The following AUTS2 variants were observed in gnomAD, a reference collection of about 807,000 sequenced individuals.
The protein encoded by AUTS2 is activator of transcription and developmental regulator AUTS2.
AUTS2 carries 17 observed loss-of-function variants against 112.4 expected under a neutral mutation model. The ratio of observed to expected loss-of-function variants is 0.15; its 90% CI spans 0.10 to 0.23. The LOEUF is 0.23. Among genes scored for constraint, AUTS2 ranks in the 10% least tolerant of loss-of-function variants. The pLI is 1.00. For synonymous variants in AUTS2, 751 were observed against 702.7 expected, an observed-to-expected ratio of 1.07 and a Z score of -1.09; for missense variants, 1,510 against 1,701.6, an observed-to-expected ratio of 0.89 and a Z score of 1.98.
chr7:70,785,353 G>A (rs992081410), intron 16 of AUTS2: 4 of 553,768 alleles, frequency 7.2e-6, no homozygotes, highest in Admixed American at 4.4e-5. Context: ...AGAAGATGGT[G>A]AGCTCTTGCC....
At chr7:70,351,413 C>T (rs1791756857) in intron 4 of AUTS2, among the ~76,000 whole-genome samples, 1 of 152,194 alleles carries the variant, frequency 6.6e-6, no homozygotes, top group Non-Finnish European at 1.5e-5. Flanking sequence ...CACATTATCA[C>T]ATTTTCTTTA....
intron 4 of AUTS2, among the ~76,000 whole-genome samples, chr7:70,239,625 G>T (rs1332723858): frequency 6.6e-6 from 1 of 152,084 alleles, no homozygotes; most frequent in African/African-American, 2.4e-5. Flanking sequence ...AGTAGAGACA[G>T]GGTTTCCCCA....
intron 4 of AUTS2, among the ~76,000 whole-genome samples, chr7:70,327,749 A>C (rs1007761165): frequency 1.3e-5 from 2 of 152,128 alleles, no homozygotes; most frequent in African/African-American, 4.8e-5. Context: ...TCTATTCCTC[A>C]TCCCCTCCTT....
intron 4 of AUTS2, among the ~76,000 whole-genome samples, chr7:70,296,622 T>C (rs1788949399): frequency 6.6e-6 from 1 of 152,182 alleles, no homozygotes; most frequent in Non-Finnish European, 1.5e-5. Context: ...GTAAAAACTT[T>C]TTATTTAACT....
intron 5 of AUTS2, among the ~76,000 whole-genome samples, chr7:70,680,780 TG>T: frequency 6.6e-6 from 1 of 152,330 alleles, no homozygotes; most frequent in Middle Eastern, 3.4e-3. Flanking sequence ...AGCCAACAAC[TG>T]TATTTTTACC....
In AUTS2 at chr7:70,774,010, G is replaced by C; in HGVS notation, c.1831-18G>C. The C allele has an allele frequency of 6.2e-7, 1 of 1,613,100 alleles. No homozygotes were observed. Among genetic ancestry groups the C allele is most frequent in the Non-Finnish European group, 8.5e-7 (1 of 1,179,100 alleles). ...GTTTTGTGCTTCCTAAGTAAGCTGT[G>C]GTCTAATTAATTTGTAGACATCCAA... On this transcript the variant is annotated intron_variant, in intron 11 of 18. Coordinates refer to ENST00000342771, the MANE Select transcript of AUTS2 (RefSeq NM_015570.4).
At chr7:70,088,011 A>T (rs1354683331) in intron 2 of AUTS2, among the ~76,000 whole-genome samples, 1 of 145,266 alleles carries the variant, frequency 6.9e-6, no homozygotes, top group Non-Finnish European at 1.5e-5. Context: ...AACCTTTCTT[A>T]TTCTTGATAG....
chr7:70,211,850 A>G (rs890362244), intron 4 of AUTS2, among the ~76,000 whole-genome samples: 9 of 139,596 alleles, frequency 6.4e-5, no homozygotes, highest in East Asian at 4.5e-4. Flanking sequence ...GCGGGGCGTG[A>G]TGGCGGGCGT....
At chr7:70,712,665 C>T (rs1810124270) in intron 6 of AUTS2, among the ~76,000 whole-genome samples, 1 of 152,058 alleles carries the variant, frequency 6.6e-6, no homozygotes, top group South Asian at 2.1e-4. Flanking sequence ...GACTGTGGTC[C>T]AGAAAAAACG....
At chr7:70,701,817 T>G (rs1809477861) in intron 6 of AUTS2, among the ~76,000 whole-genome samples, 1 of 152,226 alleles carries the variant, frequency 6.6e-6, no homozygotes, top group African/African-American at 2.4e-5. Context: ...AGGATGTTCA[T>G]GTGAATTTTA....
intron 5 of AUTS2, among the ~76,000 whole-genome samples, chr7:70,547,315 C>T (rs1266759888): frequency 6.6e-6 from 1 of 152,140 alleles, no homozygotes; most frequent in Non-Finnish European, 1.5e-5. Context: ...AGTGCAGTGG[C>T]GCAATCTCGG....
intron 4 of AUTS2, among the ~76,000 whole-genome samples, chr7:70,242,462 T>C: frequency 6.6e-6 from 1 of 152,196 alleles, no homozygotes. Context: ...TGTATTCTAC[T>C]TTTGGGTGTT....
chr7:70,006,829 T>C lies in AUTS2; in HGVS notation c.522+107331T>C, dbSNP rs566713394. ...TGGGAAATGCTGTGCACAAGCCCCA[T>C]CTCTGTGGATGCTTCGATTTAGCTT... On this transcript the variant is annotated intron_variant, in intron 2 of 18. Transcript: ENST00000342771. Among the ~76,000 whole-genome samples, 4 of 152,286 alleles carry C rather than the reference T, an allele frequency of 2.6e-5. No homozygotes were observed. In the South Asian group the frequency reaches 8.3e-4, roughly 32 times the overall value.
At chr7:70,214,706 T>C (rs2129589540) in intron 4 of AUTS2, among the ~76,000 whole-genome samples, 1 of 152,320 alleles carries the variant, frequency 6.6e-6, no homozygotes, top group South Asian at 2.1e-4. Context: ...TTCTCAGACA[T>C]GCTCTGTGGA....
chr7:70,764,193 G>A (rs950844978), intron 7 of AUTS2, among the ~76,000 whole-genome samples: 5 of 152,154 alleles, frequency 3.3e-5, no homozygotes, highest in African/African-American at 1.2e-4. Flanking sequence ...TTGGGGGGCA[G>A]GTTTCCTCCT....
chr7:69,901,348 G>A (rs905726217), intron 2 of AUTS2, among the ~76,000 whole-genome samples: 6 of 151,778 alleles, frequency 4.0e-5, no homozygotes, highest in African/African-American at 7.3e-5. Flanking sequence ...ACCAAGCTGC[G>A]GATCCTCATC....
chr7:70,485,183 A>G (rs1430062081), intron 5 of AUTS2, among the ~76,000 whole-genome samples: 1 of 152,190 alleles, frequency 6.6e-6, no homozygotes, highest in Non-Finnish European at 1.5e-5. Flanking sequence ...GCGCACACAT[A>G]TGTTTACAGT....
At position 69,848,803 on chromosome 7, in the gene AUTS2, CT is replaced by C. The variant is rs1168464522; in HGVS notation, c.310-50482del. 7.2e-5 allele frequency among the ~76,000 whole-genome samples: 11 copies of C among 152,236 alleles called. No homozygotes were observed. The East Asian group carries it at 2.1e-3, about 29-fold the overall frequency. On this transcript the variant is annotated intron_variant, in intron 1 of 18. Transcript: ENST00000342771. ...TACATCCAGCACAACATTCAATTGT[CT>C]GCACAATTGAGTTAGCCTACTTTAT...
chr7:70,539,646 G>C (rs1800464143), intron 5 of AUTS2, among the ~76,000 whole-genome samples: 1 of 151,882 alleles, frequency 6.6e-6, no homozygotes, highest in Non-Finnish European at 1.5e-5. Context: ...AAGTTAAATG[G>C]ACTATTCTGC....
Sources: gnomAD v4.1 joint callset for allele counts (sites outside exome capture counted in the v4.1 genomes callset) on GRCh38, gnomAD v4.1.1 for gene constraint, MANE v1.5 for transcripts, NCBI Gene and HGNC (gene_info 2026-07-23, HGNC 2026-07-21) for gene names.